The following TEX9 variants were observed in gnomAD, a reference collection of about 807,000 sequenced individuals.
TEX9 encodes testis-expressed protein 9.
A neutral mutation model predicts 59.6 loss-of-function variants in TEX9; 74 were observed. That is an observed-to-expected ratio of 1.24 (90% CI 1.03 to 1.51). The LOEUF (loss-of-function observed/expected upper bound fraction) is 1.51. Among genes scored for constraint, TEX9 ranks in the 40% most tolerant of loss-of-function variants. The pLI is 0.00. For missense variants in TEX9, 522 were observed against 447.8 expected, an observed-to-expected ratio of 1.17 and a Z score of -1.49; for synonymous variants, 186 against 152.2, an observed-to-expected ratio of 1.22 and a Z score of -1.64.
At chr15:56,247,489 A>G (rs1282694664) in intron 1 of TEX9, among the ~76,000 whole-genome samples, 1 of 152,206 alleles carries the variant, frequency 6.6e-6, no homozygotes, top group South Asian at 2.1e-4. Context: ...CAGAGGGAAG[A>G]TGATTTCAGA....
chr15:56,429,302 A>T (rs2050488312), intron 12 of TEX9: 3 of 693,144 alleles, frequency 4.3e-6, no homozygotes, highest in Non-Finnish European at 7.2e-6. Flanking sequence ...AGGTAATGAA[A>T]TCTATTCAAC....
At chr15:56,414,786 G>A (rs1341474758) in intron 10 of TEX9, among the ~76,000 whole-genome samples, 1 of 151,726 alleles carries the variant, frequency 6.6e-6, no homozygotes, top group Non-Finnish European at 1.5e-5. Context: ...TCCAATGGTA[G>A]TTCTGCTTTT....
At chr15:56,427,986 A>G (rs1276212378) in intron 11 of TEX9, among the ~76,000 whole-genome samples, 1 of 152,098 alleles carries the variant, frequency 6.6e-6, no homozygotes, top group Non-Finnish European at 1.5e-5. Flanking sequence ...CAGTATAGGT[A>G]CTTCTCAACT....
chr15:56,288,067 T>C (rs139302183), intron 1 of TEX9, among the ~76,000 whole-genome samples: 1 of 152,280 alleles, frequency 6.6e-6, no homozygotes, highest in African/African-American at 2.4e-5. Flanking sequence ...CATATGATAG[T>C]TGTATTTTTA....
At chr15:56,249,119 AAAAC>A (rs771040951) in intron 1 of TEX9, 10 of 152,354 alleles carry the variant, frequency 6.6e-5, no homozygotes, top group African/African-American at 1.2e-4. Flanking sequence ...AAAAACACAA[AAAAC>A]AAACAAAAGG....
At chr15:56,350,057 T>C (rs1270685882) in intron 1 of TEX9, among the ~76,000 whole-genome samples, 1 of 152,138 alleles carries the variant, frequency 6.6e-6, no homozygotes, top group Non-Finnish European at 1.5e-5. Flanking sequence ...GTGTCATGTT[T>C]GCTTATAGTC....
At chr15:56,302,731 A>G (rs750499420) in intron 1 of TEX9, among the ~76,000 whole-genome samples, 1 of 152,226 alleles carries the variant, frequency 6.6e-6, no homozygotes, top group Non-Finnish European at 1.5e-5. Context: ...TAATGTAGAT[A>G]GACTAAAGTC....
chr15:56,303,257 TTCTTC>T, intron 1 of TEX9, among the ~76,000 whole-genome samples: 1 of 152,308 alleles, frequency 6.6e-6, no homozygotes, highest in East Asian at 1.9e-4. Flanking sequence ...AGAATATACA[TTCTTC>T]TCTTCAGCAT....
intron 10 of TEX9, among the ~76,000 whole-genome samples, chr15:56,413,844 C>G (rs932943565): frequency 7.9e-5 from 12 of 151,596 alleles, no homozygotes; most frequent in East Asian, 5.8e-4. Context: ...TTGATACATC[C>G]TCTAACATGT....
chr15:56,257,015 A>G (rs1248318005), intron 1 of TEX9, among the ~76,000 whole-genome samples: 2 of 151,866 alleles, frequency 1.3e-5, no homozygotes, highest in African/African-American at 4.8e-5. Flanking sequence ...TTTAGCTCCC[A>G]CTTATAAGTG....
chr15:56,431,823 A>G (rs1017952369), intron 12 of TEX9, among the ~76,000 whole-genome samples: 1 of 151,996 alleles, frequency 6.6e-6, no homozygotes, highest in Non-Finnish European at 1.5e-5. Flanking sequence ...CTTACCATAT[A>G]CCAGATGCTG....
intron 1 of TEX9, among the ~76,000 whole-genome samples, chr15:56,311,921 T>C (rs1381235051): frequency 6.7e-6 from 1 of 148,616 alleles, no homozygotes; most frequent in Non-Finnish European, 1.5e-5. Flanking sequence ...TTCATGTGTT[T>C]TTTGGCTGCA....
At chr15:56,330,036 A>C (rs543598712) in intron 1 of TEX9, among the ~76,000 whole-genome samples, 6 of 152,128 alleles carry the variant, frequency 3.9e-5, no homozygotes, top group South Asian at 2.1e-4. Flanking sequence ...GAAAAGAAAA[A>C]AAACAAACAA....
chr15:56,333,563 T>A (rs2046201138), intron 1 of TEX9, among the ~76,000 whole-genome samples: 1 of 150,490 alleles, frequency 6.6e-6, no homozygotes, highest in Non-Finnish European at 1.5e-5. Flanking sequence ...CCATAGATAG[T>A]ATATCACGCT....
chr15:56,405,310 GA>G (rs1221876149), intron 9 of TEX9, among the ~76,000 whole-genome samples: 4,470 of 96,012 alleles, frequency 0.047, 162 homozygotes, highest in African/African-American at 0.14. Flanking sequence ...CCGTCTCAAA[GA>G]AAAAAAAAAA....
intron 1 of TEX9, among the ~76,000 whole-genome samples, chr15:56,253,276 T>C (rs964011452): frequency 1.7e-4 from 26 of 151,884 alleles, no homozygotes; most frequent in Non-Finnish European, 3.4e-4. Flanking sequence ...GAAAAAATTT[T>C]GCCTACACCA....
intron 1 of TEX9, among the ~76,000 whole-genome samples, chr15:56,259,749 C>G (rs2465407): frequency 0.45 from 67,689 of 151,906 alleles, 15,789 homozygotes; most frequent in Non-Finnish European, 0.53. Context: ...TTTTTGAAAT[C>G]TCTAATACAT....
At position 56,285,181 on chromosome 15, in the gene TEX9, A is replaced by C. The variant is rs185183069; in HGVS notation, c.-107+40903A>C. 2.2e-4 allele frequency among the ~76,000 whole-genome samples: 33 copies of C among 152,132 alleles called. No individual in the cohort carries two copies. The East Asian group carries it at 2.3e-3, about 11-fold the overall frequency. On this transcript the variant is annotated intron_variant, in intron 1 of 5. Coordinates refer to the TEX9 transcript ENST00000560827. The stretch of plus-strand genomic sequence containing the variant: ...CCTCTAGAATTTTCGTTAGTGTGGG[A>C]GTGCTAGTTGCAGTCTCTTGATTTT...
intron 1 of TEX9, among the ~76,000 whole-genome samples, chr15:56,326,928 T>C (rs2046030372): frequency 2.0e-5 from 3 of 152,208 alleles, no homozygotes; most frequent in African/African-American, 2.4e-5. Context: ...TAATTATTCA[T>C]TGGGTACAGT....
Sources: gnomAD v4.1 joint callset for allele counts (sites outside exome capture counted in the v4.1 genomes callset) on GRCh38, gnomAD v4.1.1 for gene constraint, MANE v1.5 for transcripts, NCBI Gene and HGNC (gene_info 2026-07-23, HGNC 2026-07-21) for gene names.